Variants in HIPK2 observed in about 807,000 individuals in gnomAD.
HIPK2 encodes the protein homeodomain interacting protein kinase 2.
In HIPK2, 27 loss-of-function variants were observed where a neutral mutation model predicts 113.7. That is an observed-to-expected ratio of 0.24 (90% CI 0.17 to 0.33). The LOEUF (loss-of-function observed/expected upper bound fraction) is 0.33, where lower values mean the gene tolerates loss of function less well. Among genes scored for constraint, HIPK2 ranks in the 10% least tolerant of loss-of-function variants. The pLI, the probability that HIPK2 is intolerant of heterozygous loss-of-function variation, is 1.00. For synonymous variants in HIPK2, 631 were observed against 642.2 expected (o/e 0.98, Z 0.26); for missense variants, 1,257 against 1,588.0 (o/e 0.79, Z 3.54).
intron 11 of HIPK2, among the ~76,000 whole-genome samples, chr7:139,598,324 T>A (rs954043143): frequency 1.3e-5 from 2 of 152,246 alleles, no homozygotes; most frequent in Non-Finnish European, 2.9e-5. Context: ...AAAGGTGGAT[T>A]TATTTTCCTA....
At chr7:139,603,953 G>C in intron 10 of HIPK2, 128 bp downstream of exon 10, 1 of 1,239,814 alleles carries the variant, frequency 8.1e-7, no homozygotes, top group Non-Finnish European at 1.1e-6. Flanking sequence ...AATATTTTTA[G>C]AAGCTTTAAA....
intron 1 of HIPK2, among the ~76,000 whole-genome samples, chr7:139,772,450 C>A (rs1796667527): frequency 6.6e-6 from 1 of 152,204 alleles, no homozygotes; most frequent in Non-Finnish European, 1.5e-5. Context: ...AAGACAGGAT[C>A]TTCTGCAAGT....
At position 139,716,865 on chromosome 7, in the gene HIPK2, A is replaced by T. The variant is rs202073871; in HGVS notation, c.170T>A (p.Ile57Asn). 1.9e-5 allele frequency: 30 copies of T among 1,613,256 alleles called. 1 individual carries two copies. The highest frequency in any genetic ancestry group is 1.7e-6 in the Non-Finnish European group (2 of 1,179,794). ...TGTGGTGGCTGGCTGCGACAGGGGG[A>T]TGTTCTTGCTCTGGCTATACACTTT... is the stretch of plus-strand genomic sequence containing the variant. ...HSKVYSQSKN[I>N]PLSQPATTTV... The change falls in exon 2 of 15, where the codon ATC (isoleucine) becomes AAC (asparagine). Residue 57 changes from isoleucine to asparagine, a missense_variant. Coordinates refer to ENST00000406875, the MANE Select transcript of HIPK2 (RefSeq NM_022740.5). This position sits in a 1 kb window ranked among gnomAD's most constrained non-coding sequence, Gnocchi z 9.3.
intron 2 of HIPK2, 166 bp downstream of exon 2, chr7:139,715,766 G>C (rs1363316875): frequency 1.8e-6 from 1 of 570,608 alleles, no homozygotes; most frequent in African/African-American, 2.1e-5. Context: ...ACTTCTAATT[G>C]ACATCGCAAT....
rs1302676588 is a variant in HIPK2 at position 139,613,455 on chromosome 7, T to C, written c.1991-132A>G. 3 of 1,045,056 alleles carry C rather than the reference T, an allele frequency of 2.9e-6. No individual in the cohort carries two copies. The highest frequency in any genetic ancestry group is 3.4e-5 in the South Asian group (2 of 58,528). The allele number at this position is 1,045,056 out of a possible 1,614,324, so 64.7% of individuals were successfully genotyped here. Reference sequence around the variant, plus strand: ...ACTGGTCACTGACAACAACCAGGTATTGCCTGGTCCTTGGAAGTCTCCCCT... The same window carrying C: ...ACTGGTCACTGACAACAACCAGGTACTGCCTGGTCCTTGGAAGTCTCCCCT... On this transcript the variant is annotated intron_variant, in intron 8 of 14. Coordinates refer to ENST00000406875, the MANE Select transcript of HIPK2 (RefSeq NM_022740.5). The surrounding 1 kb of genome is among the most constrained non-coding windows in gnomAD (Gnocchi z 4.2).
Position 139,683,613 on chromosome 7 carries a change from C to T in HIPK2, c.1103+32319G>A, listed in dbSNP as rs944848794. Among the ~76,000 whole-genome samples, 4 of 152,180 alleles carry T rather than the reference C, an allele frequency of 2.6e-5. No homozygotes were observed. Among genetic ancestry groups the T allele is most frequent in the South Asian group, 4.1e-4 (2 of 4,822 alleles). On this transcript the variant is annotated intron_variant, in intron 2 of 14. Coordinates refer to ENST00000406875, the MANE Select transcript of HIPK2 (RefSeq NM_022740.5). This position sits in a 1 kb window ranked among gnomAD's most constrained non-coding sequence, Gnocchi z 4.2. ...ATTCTCTGGGTCACACAGACCAATC[C>T]TGGTGAATACCAGGAGGTGAGGGTC...
intron 1 of HIPK2, among the ~76,000 whole-genome samples, chr7:139,762,765 T>C (rs1288259543): frequency 6.6e-6 from 1 of 152,230 alleles, no homozygotes; most frequent in Non-Finnish European, 1.5e-5. Context: ...ATGTGCGTGA[T>C]GGTAACGGGG....
chr7:139,760,642 T>G (rs4726461), intron 1 of HIPK2, among the ~76,000 whole-genome samples: 3,745 of 152,292 alleles, frequency 0.025, 347 homozygotes, highest in East Asian at 0.16. Flanking sequence ...ATAAAGATTT[T>G]TCCATACCAG....
At chr7:139,661,092 C>T (rs1801853541) in intron 2 of HIPK2, among the ~76,000 whole-genome samples, 2 of 152,132 alleles carry the variant, frequency 1.3e-5, no homozygotes, top group South Asian at 4.1e-4. Context: ...TGCCAATTTC[C>T]TTGGTATAAA....
chr7:139,739,100 C>A (rs1433346443), intron 1 of HIPK2, among the ~76,000 whole-genome samples: 1 of 152,148 alleles, frequency 6.6e-6, no homozygotes, highest in Admixed American at 6.5e-5. Context: ...AAGTTTCGGG[C>A]AAGTTTTGTT....
intron 1 of HIPK2, among the ~76,000 whole-genome samples, chr7:139,731,113 T>C (rs1363812055): frequency 6.6e-6 from 1 of 152,230 alleles, no homozygotes; most frequent in African/African-American, 2.4e-5. Flanking sequence ...CCTATGAAAC[T>C]AGTACCCTCT....
At chr7:139,732,140 T>C (rs1263356168) in intron 1 of HIPK2, among the ~76,000 whole-genome samples, 1 of 152,214 alleles carries the variant, frequency 6.6e-6, no homozygotes, top group East Asian at 1.9e-4. Flanking sequence ...TTGTAAACTA[T>C]AAAGCATAAT....
At chr7:139,622,388 G>A (rs763446311) in intron 6 of HIPK2, among the ~76,000 whole-genome samples, 19 of 152,172 alleles carry the variant, frequency 1.2e-4, no homozygotes, top group Non-Finnish European at 2.6e-4. Context: ...CTTGTGCGTG[G>A]AGGCTGCAGC....
intron 2 of HIPK2, among the ~76,000 whole-genome samples, chr7:139,695,393 C>T (rs1208406008): frequency 6.6e-6 from 1 of 152,278 alleles, no homozygotes; most frequent in Non-Finnish European, 1.5e-5. Context: ...GTTAGACAGC[C>T]TTGGGGGCTC....
chr7:139,708,161 A>C (rs1585403209), intron 2 of HIPK2, among the ~76,000 whole-genome samples: 2 of 152,066 alleles, frequency 1.3e-5, no homozygotes, highest in East Asian at 3.9e-4. Context: ...TGGTGGGCTG[A>C]CACTCTGGAG....
chr7:139,737,117 C>G (rs1339342551), intron 1 of HIPK2, among the ~76,000 whole-genome samples: 1 of 152,268 alleles, frequency 6.6e-6, no homozygotes, highest in African/African-American at 2.4e-5. Context: ...TGCATGAATT[C>G]ATTTCCCTTT....
chr7:139,717,146 T>G, intron 1 of HIPK2, 131 bp from the exon 2 acceptor site: 2 of 1,202,790 alleles, frequency 1.7e-6, no homozygotes, highest in Non-Finnish European at 2.3e-6. Context: ...AAAACAAGGT[T>G]GAAAAAGTGA....
At chr7:139,710,267 C>T (rs750313082) in intron 2 of HIPK2, among the ~76,000 whole-genome samples, 1 of 152,172 alleles carries the variant, frequency 6.6e-6, no homozygotes, top group Non-Finnish European at 1.5e-5. Flanking sequence ...CTTCGACTCC[C>T]GCCAGGTGTC....
chr7:139,669,848 G>A (rs1802200596), intron 2 of HIPK2, among the ~76,000 whole-genome samples: 1 of 152,156 alleles, frequency 6.6e-6, no homozygotes, highest in South Asian at 2.1e-4. Context: ...TATTGATGGT[G>A]GTCATATGGC....
Sources: gnomAD v4.1 joint callset for allele counts (sites outside exome capture counted in the v4.1 genomes callset) on GRCh38, gnomAD v4.1.1 for gene constraint, Gnocchi (gnomAD v3.1) non-coding constraint, MANE v1.5 for transcripts, NCBI Gene and HGNC (gene_info 2026-07-23, HGNC 2026-07-21) for gene names.